Variants in TRMT61B observed in about 807,000 individuals in gnomAD.
The protein encoded by TRMT61B is tRNA (adenine(58)-N(1))-methyltransferase, mitochondrial.
A neutral mutation model predicts 52.0 loss-of-function variants in TRMT61B; 56 were observed. The observed-to-expected ratio is 1.08, with a 90% confidence interval of 0.87 to 1.35. The LOEUF (loss-of-function observed/expected upper bound fraction) is 1.35. Ranked by LOEUF, TRMT61B falls within the 40% of genes most tolerant of loss-of-function variation. The pLI, the probability that TRMT61B is intolerant of heterozygous loss-of-function variation, is 0.00. For synonymous variants in TRMT61B, 206 were observed against 220.0 expected (o/e 0.94, Z 0.56); for missense variants, 650 against 577.9 (o/e 1.12, Z -1.28).
rs1669667484 is a variant in TRMT61B, at chr2:28,862,862, ATTTG to A, written c.803-1558_803-1555del. ...AAAAAAAAAAATTAAAGGTATTTGT[ATTTG>A]TGTGTGTGTGTGTGTGTGTGTGTGT... On this transcript the variant is annotated intron_variant, in intron 2 of 6. Transcript: ENST00000306108. 4.7e-5 allele frequency among the ~76,000 whole-genome samples: 4 copies of A among 84,790 alleles called. No homozygotes were observed. The Admixed American group carries it at 5.3e-4, about 11-fold the overall frequency. 55.6% of individuals were successfully genotyped at this position (84,790 alleles called of 152,430 possible). A position where few individuals can be genotyped will look rare whatever the true frequency, so the allele number is the denominator to read the frequency against.
Position 28,870,262 on chromosome 2 carries a change from A to G in TRMT61B, c.16T>C (p.Cys6Arg). The G allele has an allele frequency of 1.3e-6, 2 of 1,593,006 alleles. No individual in the cohort carries two copies. The highest frequency in any genetic ancestry group is 1.8e-5 in the Admixed American group (1 of 56,988). The change falls in exon 1 of 7, where the codon TGC (cysteine) becomes CGC (arginine). Residue 6 changes from cysteine to arginine, a missense_variant. Transcript: ENST00000306108. ...AGGCACAGCAAGACAGGACCGCGGC[A>G]CCATGCCATTAGCATAGTGTTTCGC... MLMAW[C>R]RGPVLLCLRQ...
At chr2:28,863,192 T>C (rs1045208325) in intron 2 of TRMT61B, among the ~76,000 whole-genome samples, 1 of 151,864 alleles carries the variant, frequency 6.6e-6, no homozygotes, top group Admixed American at 6.6e-5. Flanking sequence ...TCCCAGCACT[T>C]TGGGAGGCTT....
chr2:28,864,636 G>A (rs1242634563), intron 2 of TRMT61B, among the ~76,000 whole-genome samples: 1 of 152,160 alleles, frequency 6.6e-6, no homozygotes, highest in Non-Finnish European at 1.5e-5. Context: ...CTGTGGGGCA[G>A]GGACACTCCC....
intron 1 of TRMT61B, among the ~76,000 whole-genome samples, chr2:28,868,654 G>T (rs934477605): frequency 1.3e-5 from 2 of 152,232 alleles, no homozygotes; most frequent in Non-Finnish European, 2.9e-5. Context: ...TGTTACACAG[G>T]AACATTCTAC....
intron 3 of TRMT61B, among the ~76,000 whole-genome samples, chr2:28,853,761 G>A (rs1277262919): frequency 6.6e-6 from 1 of 152,008 alleles, no homozygotes; most frequent in Non-Finnish European, 1.5e-5. Flanking sequence ...ACTTGAACCC[G>A]GGAGGCAGAG....
At chr2:28,857,919 C>T (rs1457803158) in intron 3 of TRMT61B, among the ~76,000 whole-genome samples, 1 of 152,146 alleles carries the variant, frequency 6.6e-6, no homozygotes, top group Non-Finnish European at 1.5e-5. Context: ...TCTTATAATG[C>T]TTTTTCCACC....
chr2:28,859,204 C>G (rs1009938012), intron 3 of TRMT61B, among the ~76,000 whole-genome samples: 2 of 152,118 alleles, frequency 1.3e-5, no homozygotes, highest in Admixed American at 6.6e-5. Context: ...CTCAGCCTCC[C>G]GAGTAGGTGG....
chr2:28,857,813 C>T (rs1349081022), intron 3 of TRMT61B, among the ~76,000 whole-genome samples: 1 of 152,118 alleles, frequency 6.6e-6, no homozygotes, highest in Non-Finnish European at 1.5e-5. Flanking sequence ...GGTAACATTC[C>T]CAAATTTTAT....
intron 5 of TRMT61B, chr2:28,850,654 T>G (rs1669051832): frequency 2.5e-6 from 1 of 406,170 alleles, no homozygotes; most frequent in East Asian, 4.3e-5. Flanking sequence ...TGAAAACTTG[T>G]TCATGGCCTA....
chr2:28,857,075 T>C (rs1669375947), intron 3 of TRMT61B, among the ~76,000 whole-genome samples: 1 of 151,918 alleles, frequency 6.6e-6, no homozygotes, highest in Non-Finnish European at 1.5e-5. Flanking sequence ...CTGGGATTAC[T>C]GGCTTGCACC....
intron 2 of TRMT61B, among the ~76,000 whole-genome samples, chr2:28,863,741 C>T (rs6738736): frequency 0.9 from 137,658 of 152,186 alleles, 62,318 homozygotes; most frequent in Non-Finnish European, 0.93. Context: ...ATGAATTTAC[C>T]GGCTTAGTAT....
At chr2:28,861,789 G>A (rs2148139714) in intron 2 of TRMT61B, 1 of 152,446 alleles carries the variant, frequency 6.6e-6, no homozygotes, top group African/African-American at 2.4e-5. Flanking sequence ...TATCTCTACA[G>A]GATAAAGTCC....
rs768184247 is a variant in TRMT61B, at chr2:28,865,126, T to C, written c.700-7A>G. 213 of 1,525,080 alleles carry C rather than the reference T, an allele frequency of 1.4e-4. No homozygotes were observed. The highest frequency in any genetic ancestry group is 1.8e-4 in the Non-Finnish European group (196 of 1,099,984). The allele number at this position is 1,525,080 out of a possible 1,614,324, so 94.5% of individuals were successfully genotyped here. On this transcript the variant is annotated splice_polypyrimidine_tract_variant and splice_region_variant and intron_variant, in intron 1 of 6. Coordinates refer to ENST00000306108, the MANE Select transcript of TRMT61B (RefSeq NM_017910.4). ...AGAGAATCATATTAATATCCTATGA[T>C]TGAAAACAGTATGGGTGACTCAGCG...
Position 28,852,468 on chromosome 2 carries a change from G to A in TRMT61B, c.1025C>T (p.Thr342Ile). The A allele has an allele frequency of 2.5e-6, 4 of 1,612,424 alleles. No individual in the cohort carries two copies. Among genetic ancestry groups the A allele is most frequent in the Non-Finnish European group, 2.5e-6 (3 of 1,178,774 alleles). The change falls in exon 4 of 7, where the codon ACT becomes ATT. Residue 342 changes from threonine (T) to isoleucine (I), a missense_variant. Transcript: ENST00000306108. ...AAGATGTGGGTAAAAAACAGGCAAA[G>A]TAACATGAGGATTTAACATATCCAA... is the stretch of plus-strand genomic sequence containing the variant. ...VALDMLNPHV[T>I]LPVFYPHLKH...
At chr2:28,854,361 C>A (rs1558340222) in intron 3 of TRMT61B, among the ~76,000 whole-genome samples, 1 of 152,082 alleles carries the variant, frequency 6.6e-6, no homozygotes, top group Non-Finnish European at 1.5e-5. Flanking sequence ...AATGCCAGCA[C>A]TTTGGGAAGC....
rs143440153 is a variant in TRMT61B, at chr2:28,851,195, G to T, written c.1189C>A (p.Leu397Ile). 18 of 1,612,938 alleles carry T rather than the reference G, an allele frequency of 1.1e-5. No individual in the cohort carries two copies. The highest frequency in any genetic ancestry group is 1.4e-5 in the Non-Finnish European group (17 of 1,179,660). Residue 397 changes from leucine (L) to isoleucine (I), a missense_variant, in exon 5 of 7, where the codon CTT becomes ATT. Leu to Ile is a conservative substitution (Grantham distance 5, BLOSUM62 2). Coordinates refer to ENST00000306108, the MANE Select transcript of TRMT61B (RefSeq NM_017910.4). ...EVIVRDWLVC[L>I]AKQKNGILAQ... The stretch of plus-strand genomic sequence containing the variant: ...AAAATTCCATTTTTCTGTTTTGCAA[G>T]GCAAACCAACCAATCTCTGACAATG...
At chr2:28,856,698 G>A (rs535177597) in intron 3 of TRMT61B, among the ~76,000 whole-genome samples, 6 of 151,724 alleles carry the variant, frequency 4.0e-5, no homozygotes, top group South Asian at 2.1e-4. Context: ...ACAATGGTGC[G>A]ATCGTAGCTC....
intron 3 of TRMT61B, among the ~76,000 whole-genome samples, chr2:28,855,360 A>G (rs1485910635): frequency 6.6e-6 from 1 of 152,240 alleles, no homozygotes; most frequent in Non-Finnish European, 1.5e-5. Context: ...ACTGTCATTA[A>G]GTATACTCTG....
At position 28,849,925 on chromosome 2, in the gene TRMT61B, C is replaced by T. The variant is rs753354043; in HGVS notation, c.*274G>A. The T allele has an allele frequency of 3.0e-5, 48 of 1,591,980 alleles. No individual in the cohort carries two copies. The Middle Eastern group carries it at 1.5e-3, about 49-fold the overall frequency. On this transcript the variant is annotated 3_prime_UTR_variant, in exon 7 of 7. Transcript: ENST00000306108. ...AAAGACAAATCTATGGAGTGGTTTA[C>T]AGGAAGTGAAGAATGAGATGGCCCA...
Sources: gnomAD v4.1 joint callset for allele counts (sites outside exome capture counted in the v4.1 genomes callset) on GRCh38, gnomAD v4.1.1 for gene constraint, MANE v1.5 for transcripts, NCBI Gene and HGNC (gene_info 2026-07-23, HGNC 2026-07-21) for gene names.